Variants in TMTC1 observed in about 807,000 individuals in gnomAD.
TMTC1 encodes the protein transmembrane O-mannosyltransferase targeting cadherins 1.
TMTC1 carries 73 observed loss-of-function variants against 104.8 expected under a neutral mutation model. The observed-to-expected ratio is 0.70, with a 90% CI of 0.58 to 0.85. TMTC1 has a LOEUF of 0.85. TMTC1 is among the 40% of genes least tolerant of loss of function. The pLI, the probability that TMTC1 is intolerant of heterozygous loss-of-function variation, is 0.00. For synonymous variants in TMTC1, 434 were observed against 428.7 expected, an observed-to-expected ratio of 1.01 and a Z score of -0.15; for missense variants, 1,035 against 1,096.1, an observed-to-expected ratio of 0.94 and a Z score of 0.79.
rs528770553 is a variant in TMTC1, at chr12:29,647,623, T to C, written c.939-14287A>G. On this transcript the variant is annotated intron_variant, in intron 5 of 17. Transcript: ENST00000539277. Reference sequence around the variant, plus strand: ...AAGCTTCTTTAGAACGTGGAAGATGTTGCGTTCTAGTTTCATCTTGCTATT... The same window carrying C: ...AAGCTTCTTTAGAACGTGGAAGATGCTGCGTTCTAGTTTCATCTTGCTATT... Among the ~76,000 whole-genome samples the C allele has an allele frequency of 2.6e-5, 4 of 152,288 alleles. No homozygotes were observed. The South Asian group carries it at 6.2e-4, about 24-fold the overall frequency.
At chr12:29,645,547 G>A (rs1482167361) in intron 5 of TMTC1, among the ~76,000 whole-genome samples, 1 of 152,110 alleles carries the variant, frequency 6.6e-6, no homozygotes, top group Non-Finnish European at 1.5e-5. Flanking sequence ...CAGGGAAAAT[G>A]GAGTTCAACG....
intron 1 of TMTC1, among the ~76,000 whole-genome samples, chr12:29,782,545 T>C (rs1476273802): frequency 6.6e-6 from 1 of 152,242 alleles, no homozygotes; most frequent in Non-Finnish European, 1.5e-5. Flanking sequence ...ACTTCAATGC[T>C]GAGCCACATT....
In TMTC1 at chr12:29,514,612, G is replaced by C. The variant is rs755844879; in HGVS notation, c.2308-8C>G. The stretch of plus-strand genomic sequence containing the variant: ...GTCTATAGCATCAAGTGCCTGCAGA[G>C]GTTGGAAATTAAGACAGAATAAATG... On this transcript the variant is annotated splice_polypyrimidine_tract_variant and splice_region_variant and intron_variant, in intron 15 of 17. Transcript: ENST00000539277. 1 of 1,603,072 alleles carries C rather than the reference G, an allele frequency of 6.2e-7. No individual in the cohort carries two copies. The highest frequency in any genetic ancestry group is 2.2e-5 in the East Asian group (1 of 44,820).
rs186305199 is a variant in TMTC1, at chr12:29,547,015, T to C, written c.1676+9842A>G. On this transcript the variant is annotated intron_variant, in intron 10 of 17. Transcript: ENST00000539277. ...AGCACAGGAGCTCAAGGGGACAAGATAACAAAGGATTCCGGGAAAGATTGT... is the reference window on the plus strand; with the variant it reads ...AGCACAGGAGCTCAAGGGGACAAGACAACAAAGGATTCCGGGAAAGATTGT... Among the ~76,000 whole-genome samples, 315 of 152,266 alleles carry C rather than the reference T, an allele frequency of 2.1e-3. 1 individual carries two copies. Among genetic ancestry groups the C allele is most frequent in the Admixed American group, 7.6e-3 (117 of 15,306 alleles).
intron 5 of TMTC1, among the ~76,000 whole-genome samples, chr12:29,689,254 C>T (rs1286283159): frequency 6.8e-6 from 1 of 147,812 alleles, no homozygotes; most frequent in Non-Finnish European, 1.5e-5. Flanking sequence ...TTTGCTTAAG[C>T]CACTGGTTTT....
At chr12:29,586,454 C>T (rs2136339951) in intron 7 of TMTC1, among the ~76,000 whole-genome samples, 1 of 152,184 alleles carries the variant, frequency 6.6e-6, no homozygotes. Flanking sequence ...TTGCCCTGGC[C>T]AGAACTTCCA....
chr12:29,717,681 T>C (rs302381), intron 5 of TMTC1, among the ~76,000 whole-genome samples: 36,073 of 152,142 alleles, frequency 0.24, 5,148 homozygotes, highest in Admixed American at 0.32. Context: ...TGCCTCATAT[T>C]AGATATGAGG....
chr12:29,676,456 G>A (rs977764979), intron 5 of TMTC1, among the ~76,000 whole-genome samples: 10 of 152,142 alleles, frequency 6.6e-5, no homozygotes, highest in African/African-American at 1.7e-4. Flanking sequence ...AAAGTTAAGC[G>A]AATACTTCAG....
intron 13 of TMTC1, 113 bp downstream of exon 13, chr12:29,518,359 T>A: frequency 2.3e-6 from 3 of 1,295,752 alleles, no homozygotes; most frequent in Non-Finnish European, 3.1e-6. Context: ...ATCACCTGAA[T>A]TGGCAAAATT....
chr12:29,577,357 C>T (rs1228024157), intron 8 of TMTC1, among the ~76,000 whole-genome samples: 1 of 152,098 alleles, frequency 6.6e-6, no homozygotes, highest in Non-Finnish European at 1.5e-5. Context: ...CTACATTTGC[C>T]CTGTTCTCTG....
chr12:29,641,369 A>T (rs1376718541), intron 5 of TMTC1: 1 of 152,360 alleles, frequency 6.6e-6, no homozygotes, highest in Non-Finnish European at 1.5e-5. Flanking sequence ...ACTGGAACAG[A>T]CACTAGTATC....
intron 10 of TMTC1, among the ~76,000 whole-genome samples, chr12:29,540,951 C>T (rs1944780385): frequency 1.3e-5 from 2 of 151,840 alleles, no homozygotes; most frequent in East Asian, 1.9e-4. Flanking sequence ...GCCGAGATCA[C>T]GCCACTGCAC....
At chr12:29,510,569 C>G (rs1943805353) in intron 17 of TMTC1, among the ~76,000 whole-genome samples, 1 of 152,152 alleles carries the variant, frequency 6.6e-6, no homozygotes, top group Non-Finnish European at 1.5e-5. Context: ...CACCACCTAC[C>G]AGATCAAAGC....
chr12:29,694,848 G>A (rs894075999), intron 5 of TMTC1, among the ~76,000 whole-genome samples: 2 of 152,180 alleles, frequency 1.3e-5, no homozygotes, highest in Admixed American at 1.3e-4. Flanking sequence ...GCTGGGGCAG[G>A]AGAATTGCTT....
chr12:29,662,333 A>G (rs969018316), intron 5 of TMTC1, among the ~76,000 whole-genome samples: 1 of 152,230 alleles, frequency 6.6e-6, no homozygotes, highest in African/African-American at 2.4e-5. Flanking sequence ...AATATCTCAC[A>G]AAGAAATGTC....
chr12:29,586,893 T>C (rs1471421283), intron 7 of TMTC1, among the ~76,000 whole-genome samples: 1 of 152,052 alleles, frequency 6.6e-6, no homozygotes, highest in African/African-American at 2.4e-5. Context: ...GGTCTAAAAT[T>C]CTCTTTTTTT....
At chr12:29,588,107 G>A (rs1030073217) in intron 7 of TMTC1, among the ~76,000 whole-genome samples, 2 of 152,102 alleles carry the variant, frequency 1.3e-5, no homozygotes, top group African/African-American at 2.4e-5. Flanking sequence ...TTTGGCCAAA[G>A]AGAGTCACCA....
chr12:29,711,692 G>C (rs549825966), intron 5 of TMTC1, among the ~76,000 whole-genome samples: 1 of 152,098 alleles, frequency 6.6e-6, no homozygotes, highest in African/African-American at 2.4e-5. Flanking sequence ...AATTGGCAAA[G>C]AGCTCTGAGA....
At chr12:29,609,698 G>T (rs182150831) in intron 6 of TMTC1, 6 of 152,414 alleles carry the variant, frequency 3.9e-5, no homozygotes, top group African/African-American at 1.4e-4. Context: ...ACGCTTTCAA[G>T]ACCAGCATGG....
Sources: allele counts gnomAD v4.1 joint callset (sites outside exome capture counted in the v4.1 genomes callset), GRCh38; gene constraint gnomAD v4.1.1; transcripts MANE v1.5; gene names NCBI Gene and HGNC (gene_info 2026-07-23, HGNC 2026-07-21).